Variants in CSMD1 observed in about 807,000 individuals in gnomAD.
The protein encoded by CSMD1 is CUB and Sushi multiple domains 1.
A neutral mutation model predicts 417.5 loss-of-function variants in CSMD1; 213 were observed. The observed-to-expected ratio is 0.51, with a 90% CI of 0.46 to 0.57. The LOEUF (loss-of-function observed/expected upper bound fraction) is 0.57. Ranked by LOEUF, CSMD1 falls within the 20% of genes least tolerant of loss-of-function variation. CSMD1 has a pLI of 0.00. For missense variants in CSMD1, 6,923 were observed against 4,529.7 expected, an observed-to-expected ratio of 1.53 and a Z score of -15.17; for synonymous variants, 2,862 against 1,736.8, an observed-to-expected ratio of 1.65 and a Z score of -16.11.
chr8:3,492,873 G>T lies in CSMD1; in HGVS notation c.1448+750C>A, dbSNP rs150453878. 1.2e-4 allele frequency among the ~76,000 whole-genome samples: 18 copies of T among 152,056 alleles called. No homozygotes were observed. In the East Asian group the frequency reaches 3.5e-3, roughly 29 times the overall value. ...TGTTACTTTATTACGCAGTTTTACA[G>T]GAAGTCTGGAAAGGTGTATGGCATT... On this transcript the variant is annotated intron_variant, in intron 11 of 69. Transcript: ENST00000635120.
At chr8:4,727,471 T>G (rs1809536106) in intron 1 of CSMD1, among the ~76,000 whole-genome samples, 1 of 152,064 alleles carries the variant, frequency 6.6e-6, no homozygotes, top group Non-Finnish European at 1.5e-5. Context: ...GGGAAAACAA[T>G]AAAGAGAGAG....
intron 49 of CSMD1, among the ~76,000 whole-genome samples, chr8:3,082,901 C>A (rs1814210408): frequency 6.6e-6 from 1 of 152,104 alleles, no homozygotes; most frequent in Non-Finnish European, 1.5e-5. Flanking sequence ...TTCTCATGTC[C>A]CAGCTTTATA....
intron 2 of CSMD1, among the ~76,000 whole-genome samples, chr8:4,613,632 G>A (rs1456330562): frequency 6.6e-6 from 1 of 152,086 alleles, no homozygotes; most frequent in Non-Finnish European, 1.5e-5. Context: ...CTTGAGCGAG[G>A]TTTGCCTGAC....
intron 5 of CSMD1, among the ~76,000 whole-genome samples, chr8:3,838,687 A>ATATAATAAATATTATATAGTATAC (rs1802874690): frequency 1.3e-5 from 1 of 76,592 alleles, no homozygotes; most frequent in Admixed American, 1.7e-4. Flanking sequence ...ATATAGTATA[A>ATATAATAAATATTATATAGTATAC]TATATAATAA....
At chr8:3,043,898 T>C (rs1421030494) in intron 50 of CSMD1, 2 of 152,362 alleles carry the variant, frequency 1.3e-5, no homozygotes, top group South Asian at 2.1e-4. Flanking sequence ...AGAGCTGTCA[T>C]CTTGACAGAA....
At chr8:4,852,548 C>T (rs1370845942) in intron 1 of CSMD1, among the ~76,000 whole-genome samples, 3 of 152,190 alleles carry the variant, frequency 2.0e-5, no homozygotes, top group South Asian at 2.1e-4. Context: ...GGTATTTCTA[C>T]ATGGAAATTC....
intron 1 of CSMD1, among the ~76,000 whole-genome samples, chr8:4,840,613 G>C (rs1563556657): frequency 6.6e-6 from 1 of 152,174 alleles, no homozygotes; most frequent in Non-Finnish European, 1.5e-5. Flanking sequence ...TAACACAGCA[G>C]AATTACATTA....
intron 18 of CSMD1, among the ~76,000 whole-genome samples, chr8:3,376,017 C>G (rs1165361806): frequency 6.6e-6 from 1 of 152,182 alleles, no homozygotes; most frequent in Non-Finnish European, 1.5e-5. Flanking sequence ...TCTTTATCCT[C>G]ATCCACTTTT....
intron 18 of CSMD1, among the ~76,000 whole-genome samples, chr8:3,375,949 T>C (rs1007920320): frequency 2.0e-5 from 3 of 152,184 alleles, no homozygotes; most frequent in Admixed American, 1.3e-4. Flanking sequence ...TAAAGATGTA[T>C]CTCCAAAATT....
chr8:3,979,255 TG>T (rs1813670019), intron 5 of CSMD1, among the ~76,000 whole-genome samples: 1 of 152,178 alleles, frequency 6.6e-6, no homozygotes, highest in African/African-American at 2.4e-5. Flanking sequence ...GGCATCTTTT[TG>T]TTTTGGGAGC....
chr8:3,777,307 G>C (rs565167429), intron 5 of CSMD1, among the ~76,000 whole-genome samples: 16 of 152,070 alleles, frequency 1.1e-4, no homozygotes, highest in African/African-American at 3.4e-4. Context: ...ATATTTGTTG[G>C]ACAAATGACT....
intron 5 of CSMD1, among the ~76,000 whole-genome samples, chr8:3,764,693 G>A (rs542483324): frequency 6.6e-6 from 1 of 151,134 alleles, no homozygotes; most frequent in Non-Finnish European, 1.5e-5. Context: ...GTAATCACCT[G>A]AAAATTCATG....
At chr8:4,185,959 G>A (rs1263791160) in intron 3 of CSMD1, among the ~76,000 whole-genome samples, 2 of 152,050 alleles carry the variant, frequency 1.3e-5, no homozygotes, top group African/African-American at 4.8e-5. Flanking sequence ...GGTCTACGGT[G>A]GAATACAGAA....
At position 3,956,954 on chromosome 8, in the gene CSMD1, T is replaced by C. The variant is rs149465006; in HGVS notation, c.818+40949A>G. Among the ~76,000 whole-genome samples the C allele has an allele frequency of 3.5e-3, 530 of 152,308 alleles. 6 individuals carry two copies. The highest frequency in any genetic ancestry group is 0.012 in the African/African-American group (509 of 41,558). ...TATCTAAAAAGAATATTACTTTTTC[T>C]ATACGGAAAGGTTGGACCTGTTTTT... On this transcript the variant is annotated intron_variant, in intron 5 of 69. Transcript: ENST00000635120.
At chr8:3,526,868 G>A (rs1429348076) in intron 10 of CSMD1, among the ~76,000 whole-genome samples, 1 of 152,068 alleles carries the variant, frequency 6.6e-6, no homozygotes, top group Non-Finnish European at 1.5e-5. Context: ...CATTTTCTTT[G>A]GAGAGGTAAA....
At chr8:3,427,686 C>T (rs1813943229) in intron 12 of CSMD1, among the ~76,000 whole-genome samples, 1 of 152,074 alleles carries the variant, frequency 6.6e-6, no homozygotes, top group African/African-American at 2.4e-5. Context: ...CACTTTATCC[C>T]TTTTATCAAC....
intron 2 of CSMD1, among the ~76,000 whole-genome samples, chr8:4,552,259 G>A (rs1797907004): frequency 6.6e-6 from 1 of 152,152 alleles, no homozygotes; most frequent in South Asian, 2.1e-4. Context: ...CATCTGCTGT[G>A]TTTCTGCTTC....
intron 5 of CSMD1, among the ~76,000 whole-genome samples, chr8:3,906,678 T>A (rs1808134540): frequency 6.7e-6 from 1 of 150,358 alleles, no homozygotes; most frequent in Non-Finnish European, 1.5e-5. Flanking sequence ...AGAGAGAAAA[T>A]AACTATGTTT....
At chr8:3,433,430 T>A (rs1814349591) in intron 12 of CSMD1, among the ~76,000 whole-genome samples, 1 of 152,222 alleles carries the variant, frequency 6.6e-6, no homozygotes, top group South Asian at 2.1e-4. Context: ...CCTTTGCTCC[T>A]AAATTAAATA....
Sources: gnomAD v4.1 joint callset for allele counts (sites outside exome capture counted in the v4.1 genomes callset) on GRCh38, gnomAD v4.1.1 for gene constraint, MANE v1.5 for transcripts, NCBI Gene and HGNC (gene_info 2026-07-23, HGNC 2026-07-21) for gene names.